Variants in MECOM observed in about 807,000 individuals in gnomAD.
The protein encoded by MECOM is MDS1 and EVI1 complex locus, also known as histone-lysine N-methyltransferase MECOM.
MECOM carries 13 observed loss-of-function variants against 116.3 expected under a neutral mutation model. The ratio of observed to expected loss-of-function variants is 0.11; its 90% CI spans 0.07 to 0.18. The LOEUF is 0.18. Among genes scored for constraint, MECOM ranks in the 10% least tolerant of loss-of-function variants. MECOM has a pLI of 1.00. For missense variants in MECOM, 1,299 were observed against 1,509.0 expected, an observed-to-expected ratio of 0.86 and a Z score of 2.31; for synonymous variants, 528 against 535.2, an observed-to-expected ratio of 0.99 and a Z score of 0.19.
Position 169,593,528 on chromosome 3 carries a change from A to G in MECOM, c.37+69808T>C, listed in dbSNP as rs115988975. ...ACATATTAGCATGTGAATCTCCTTC[A>G]GTGTTATTGATAAAAATTCAGATTC... On this transcript the variant is annotated intron_variant, in intron 1 of 16. Coordinates refer to ENST00000651503, the MANE Select transcript of MECOM (RefSeq NM_004991.4). 6.8e-3 allele frequency among the ~76,000 whole-genome samples: 1,041 copies of G among 152,264 alleles called. 7 individuals carry two copies. Among genetic ancestry groups the G allele is most frequent in the African/African-American group, 0.024 (998 of 41,546 alleles).
At chr3:169,378,520 AAG>A (rs1560198141) in intron 2 of MECOM, among the ~76,000 whole-genome samples, 1 of 22,862 alleles carries the variant, frequency 4.4e-5, no homozygotes, top group Non-Finnish European at 8.8e-5. Flanking sequence ...AAAGAAAAGA[AAG>A]AAAGAAAGAA....
chr3:169,160,676 A>C (rs1196976796), intron 2 of MECOM, among the ~76,000 whole-genome samples: 1 of 151,388 alleles, frequency 6.6e-6, no homozygotes, highest in African/African-American at 2.4e-5. Flanking sequence ...AAAAGAGTAT[A>C]ACTGAGTTGT....
chr3:169,299,260 C>T lies in MECOM; in HGVS notation c.375+81927G>A, dbSNP rs114909099. ...ACAGATGGTTCAAAAAGCAGCTCTC[C>T]CAGCATGAAGACTGTAAACCCGCCG... On this transcript the variant is annotated intron_variant, in intron 2 of 16. Coordinates refer to ENST00000651503, the MANE Select transcript of MECOM (RefSeq NM_004991.4). Among the ~76,000 whole-genome samples the T allele has an allele frequency of 5.0e-3, 759 of 152,146 alleles. 5 individuals are homozygous for T. Among genetic ancestry groups the T allele is most frequent in the African/African-American group, 0.017 (720 of 41,528 alleles).
At chr3:169,177,980 T>C (rs1200979415) in intron 2 of MECOM, among the ~76,000 whole-genome samples, 1 of 151,684 alleles carries the variant, frequency 6.6e-6, no homozygotes, top group African/African-American at 2.4e-5. Flanking sequence ...ATACGCAAGA[T>C]AAAAAGAAGA....
intron 12 of MECOM, among the ~76,000 whole-genome samples, chr3:169,096,345 G>A (rs1384542387): frequency 2.7e-5 from 4 of 150,708 alleles, no homozygotes; most frequent in African/African-American, 4.9e-5. Flanking sequence ...ATCTCGGCTC[G>A]CTGCAACCTC....
At chr3:169,367,061 T>C (rs539501956) in intron 2 of MECOM, among the ~76,000 whole-genome samples, 1 of 152,220 alleles carries the variant, frequency 6.6e-6, no homozygotes, top group African/African-American at 2.4e-5. Context: ...GGTCCTCCTT[T>C]ATTAGCCAAA....
At chr3:169,170,878 T>G (rs924960350) in intron 2 of MECOM, among the ~76,000 whole-genome samples, 2 of 152,220 alleles carry the variant, frequency 1.3e-5, no homozygotes, top group Admixed American at 6.5e-5. Flanking sequence ...ATAGACAATT[T>G]GATTCTCAAT....
chr3:169,196,326 AAAC>A (rs1267540359), intron 2 of MECOM, among the ~76,000 whole-genome samples: 4 of 152,080 alleles, frequency 2.6e-5, no homozygotes, highest in Admixed American at 2.0e-4. Context: ...AAAAATTTTA[AAAC>A]AACAACAATA....
intron 1 of MECOM, among the ~76,000 whole-genome samples, chr3:169,610,011 A>G (rs1208170115): frequency 6.6e-6 from 1 of 152,160 alleles, no homozygotes; most frequent in African/African-American, 2.4e-5. Context: ...AATTTCCCAA[A>G]TGTCCCCAAG....
At chr3:169,435,448 A>C (rs982814903) in intron 1 of MECOM, among the ~76,000 whole-genome samples, 4 of 152,184 alleles carry the variant, frequency 2.6e-5, no homozygotes. Context: ...CAGTGACAAA[A>C]GCCTTAATGT....
In MECOM at chr3:169,460,023, A is replaced by G. The variant is rs553413257; in HGVS notation, c.38-78499T>C. Among the ~76,000 whole-genome samples, 17 of 152,244 alleles carry G rather than the reference A, an allele frequency of 1.1e-4. No individual in the cohort carries two copies. The South Asian group carries it at 3.1e-3, about 28-fold the overall frequency. On this transcript the variant is annotated intron_variant, in intron 1 of 16. Transcript: ENST00000651503. ...CCTGTGGTAAAGAAGTAAGAGCCCAATTTCTCAGGCAGATAAACTGAGTCT... is the reference window on the plus strand; with the variant it reads ...CCTGTGGTAAAGAAGTAAGAGCCCAGTTTCTCAGGCAGATAAACTGAGTCT...
intron 1 of MECOM, among the ~76,000 whole-genome samples, chr3:169,593,675 A>C (rs561580845): frequency 2.0e-5 from 3 of 152,164 alleles, no homozygotes; most frequent in African/African-American, 7.2e-5. Flanking sequence ...GCTCTACCCT[A>C]TATCAAGCTG....
In MECOM at chr3:169,116,438, A is replaced by G; in HGVS notation, c.1434T>C (p.Gly478=). ...DYFGANRHPA[G]LTFPTAPGFS... ...ATCCAGGAGCTGTTGGAAAGGTAAGACCAGCAGGATGCCTATTGGCGCCAA... is the reference window on the plus strand; with the variant it reads ...ATCCAGGAGCTGTTGGAAAGGTAAGGCCAGCAGGATGCCTATTGGCGCCAA... The change falls in exon 8 of 17, where the codon GGT becomes GGC. Residue 478 remains glycine (G), a synonymous_variant. Coordinates refer to ENST00000651503, the MANE Select transcript of MECOM (RefSeq NM_004991.4). 1 of 1,614,168 alleles carries G rather than the reference A, an allele frequency of 6.2e-7. No homozygotes were observed. The highest frequency in any genetic ancestry group is 8.5e-7 in the Non-Finnish European group (1 of 1,180,046).
At chr3:169,324,578 G>C (rs1360326867) in intron 2 of MECOM, among the ~76,000 whole-genome samples, 5 of 152,250 alleles carry the variant, frequency 3.3e-5, no homozygotes, top group Non-Finnish European at 7.3e-5. Flanking sequence ...CTGACCTTCT[G>C]AGAATTTCGG....
intron 2 of MECOM, among the ~76,000 whole-genome samples, chr3:169,159,878 AG>A (rs1207702662): frequency 1.3e-5 from 2 of 152,200 alleles, no homozygotes; most frequent in Non-Finnish European, 2.9e-5. Context: ...AATGATAAAA[AG>A]TATCTCATAG....
chr3:169,464,806 G>C (rs1367445627), intron 1 of MECOM, among the ~76,000 whole-genome samples: 2 of 151,998 alleles, frequency 1.3e-5, no homozygotes, highest in Non-Finnish European at 2.9e-5. Context: ...ATAATCATCA[G>C]ATCTTTGTCT....
intron 1 of MECOM, among the ~76,000 whole-genome samples, chr3:169,524,676 C>A (rs1757765598): frequency 6.6e-6 from 1 of 152,190 alleles, no homozygotes; most frequent in Admixed American, 6.5e-5. Context: ...AACAACCCTA[C>A]TGAATTTAAG....
intron 1 of MECOM, among the ~76,000 whole-genome samples, chr3:169,587,426 AACAC>A (rs3980637): frequency 0.063 from 8,811 of 140,970 alleles, 325 homozygotes; most frequent in African/African-American, 0.1. Flanking sequence ...CCCACACGCC[AACAC>A]ACACACACAC....
At chr3:169,475,106 C>T (rs1042239759) in intron 1 of MECOM, among the ~76,000 whole-genome samples, 1 of 152,074 alleles carries the variant, frequency 6.6e-6, no homozygotes, top group African/African-American at 2.4e-5. Flanking sequence ...AGAACAGAGT[C>T]CATGTATTTA....
Sources: gnomAD v4.1 joint callset for allele counts (sites outside exome capture counted in the v4.1 genomes callset) on GRCh38, gnomAD v4.1.1 for gene constraint, MANE v1.5 for transcripts, NCBI Gene and HGNC (gene_info 2026-07-23, HGNC 2026-07-21) for gene names.